Variants in BBS1 observed in about 807,000 individuals in gnomAD.
BBS1 encodes Bardet-Biedl syndrome 1.
A neutral mutation model predicts 73.9 loss-of-function variants in BBS1; 60 were observed. That is an observed-to-expected ratio of 0.81 (90% CI 0.66 to 1.01). BBS1 has a LOEUF of 1.01. Ranked by LOEUF, BBS1 falls within the 50% of genes least tolerant of loss-of-function variation. The probability of loss-of-function intolerance (pLI) is 0.00; values close to 1 mark genes in which losing one functional copy is unlikely to be tolerated. For missense variants in BBS1, 718 were observed against 770.3 expected, an observed-to-expected ratio of 0.93 and a Z score of 0.80; for synonymous variants, 283 against 317.4, an observed-to-expected ratio of 0.89 and a Z score of 1.15.
chr11:66,516,894 C>T (rs956494367), intron 7 of BBS1, among the ~76,000 whole-genome samples: 1 of 152,022 alleles, frequency 6.6e-6, no homozygotes, highest in African/African-American at 2.4e-5. Flanking sequence ...ACAATGAGCA[C>T]CTTTATCTAA....
intron 11 of BBS1, among the ~76,000 whole-genome samples, chr11:66,525,217 C>G (rs569328001): frequency 6.9e-6 from 1 of 145,884 alleles, no homozygotes; most frequent in African/African-American, 2.6e-5. Flanking sequence ...AAAAAAAAGC[C>G]GGGTGTGATG....
chr11:66,528,879 A>G (rs1031703647), intron 13 of BBS1, among the ~76,000 whole-genome samples: 5 of 151,074 alleles, frequency 3.3e-5, no homozygotes, highest in Non-Finnish European at 7.4e-5. Flanking sequence ...GAGGCAGGAG[A>G]ATCGATTGAA....
At chr11:66,531,610 A>G in intron 15 of BBS1, 46 bp from the exon 16 acceptor site, 4 of 1,613,226 alleles carry the variant, frequency 2.5e-6, no homozygotes, top group African/African-American at 1.3e-5. Flanking sequence ...TATGCCAAAC[A>G]CTGGCACGAG....
At chr11:66,529,502 A>G in intron 13 of BBS1, 1 of 725,948 alleles carries the variant, frequency 1.4e-6, no homozygotes, top group Non-Finnish European at 2.5e-6. Context: ...GGGGAAGAAG[A>G]TGGAGGATGA....
chr11:66,514,155 C>G (rs1239861708), intron 3 of BBS1, among the ~76,000 whole-genome samples: 1 of 152,210 alleles, frequency 6.6e-6, no homozygotes, highest in Non-Finnish European at 1.5e-5. Flanking sequence ...GTAGCACTTA[C>G]CAGGTTCTGT....
rs1565281524 is a variant in BBS1, at chr11:66,514,547, A to G, written c.301A>G (p.Thr101Ala). Reference protein sequence around the residue: ...TFLMEQHEPRTPALALASGPC... With the variant: ...TFLMEQHEPRAPALALASGPC... The stretch of plus-strand genomic sequence containing the variant: ...CCTCATGGAGCAACATGAGCCCCGG[A>G]CCCCAGCTCTGGCACTTGCTTCAGG... The change falls in exon 4 of 17, where the codon ACC becomes GCC. Residue 101 changes from threonine to alanine, a missense_variant. Thr to Ala is a moderately conservative substitution (Grantham distance 58). Transcript: ENST00000318312. The G allele has an allele frequency of 1.2e-6, 2 of 1,614,084 alleles. No homozygotes were observed. Among genetic ancestry groups the G allele is most frequent in the Non-Finnish European group, 1.7e-6 (2 of 1,180,022 alleles).
chr11:66,517,882 G>A (rs578120422), intron 7 of BBS1, among the ~76,000 whole-genome samples: 1 of 151,966 alleles, frequency 6.6e-6, no homozygotes, highest in African/African-American at 2.4e-5. Context: ...TGGGATTACA[G>A]GCATGAGCCA....
chr11:66,532,427 G>A lies in BBS1; in HGVS notation c.*390G>A, dbSNP rs1003786767. 4.8e-6 allele frequency: 1 copy of A among 208,956 alleles called. No homozygotes were observed. Among genetic ancestry groups the A allele is most frequent in the African/African-American group, 2.3e-5 (1 of 43,860 alleles). The allele number at this position is 208,956 out of a possible 1,614,324, so 12.9% of individuals were successfully genotyped here. A position where few individuals can be genotyped will look rare whatever the true frequency, so the allele number is the denominator to read the frequency against. The stretch of plus-strand genomic sequence containing the variant: ...TCACTCATCTCCTGCTGCAGGCCAA[G>A]GCCAAAATTGGGCTAGTCCTGGCCA... On this transcript the variant is annotated 3_prime_UTR_variant, in exon 17 of 17. Transcript: ENST00000318312.
At chr11:66,529,797 C>T in intron 13 of BBS1, 22 bp from the exon 14 acceptor site, 1 of 1,609,772 alleles carries the variant, frequency 6.2e-7, no homozygotes, top group Non-Finnish European at 8.5e-7. Flanking sequence ...CCACCGTCAG[C>T]CTCTGGGACC....
intron 8 of BBS1, 180 bp downstream of exon 8, chr11:66,519,928 G>T: frequency 3.1e-6 from 2 of 654,804 alleles, no homozygotes; most frequent in Non-Finnish European, 5.1e-6. Context: ...TGTTAAAGTT[G>T]AGGCATAGGT....
chr11:66,531,957 G>A lies in BBS1; in HGVS notation c.1702G>A (p.Val568Met), dbSNP rs754300140. The A allele has an allele frequency of 6.3e-7, 1 of 1,593,992 alleles. No individual in the cohort carries two copies. The highest frequency in any genetic ancestry group is 8.5e-7 in the Non-Finnish European group (1 of 1,170,836). Residue 568 changes from valine to methionine, a missense_variant, in exon 17 of 17, where the codon GTG becomes ATG. Transcript: ENST00000318312. Reference sequence around the variant, plus strand: ...CATGGCCACTCCTCCATAGGTGCTGGTGCTTCGAGAAGGCCAAAGTGCACC... The same window carrying A: ...CATGGCCACTCCTCCATAGGTGCTGATGCTTCGAGAAGGCCAAAGTGCACC... ...KGISDIIKVL[V>M]LREGQSAPLL...
Position 66,531,891 on chromosome 11 carries a change from G to A in BBS1, c.1696-60G>A, listed in dbSNP as rs1464169496. 1.3e-5 allele frequency: 21 copies of A among 1,574,782 alleles called. No individual in the cohort carries two copies. The East Asian group carries it at 2.4e-4, about 18-fold the overall frequency. ...CCTGTGGCCTGTCATTAGGGCCAGC[G>A]CAGACCAGGCAAGGGGTCAGGGGTG... On this transcript the variant is annotated intron_variant, in intron 16 of 16. Transcript: ENST00000318312.
chr11:66,525,815 G>A (rs1176235476), intron 11 of BBS1, among the ~76,000 whole-genome samples: 1 of 152,158 alleles, frequency 6.6e-6, no homozygotes, highest in Non-Finnish European at 1.5e-5. Flanking sequence ...AGACATATTT[G>A]TGTTTTTGAA....
At position 66,532,237 on chromosome 11, in the gene BBS1, C is replaced by T. The variant is rs1856817638; in HGVS notation, c.*200C>T. 1.7e-6 allele frequency: 1 copy of T among 603,782 alleles called. No homozygotes were observed. Among genetic ancestry groups the T allele is most frequent in the Non-Finnish European group, 2.9e-6 (1 of 341,664 alleles). 37.4% of individuals were successfully genotyped at this position (603,782 alleles called of 1,614,324 possible). On this transcript the variant is annotated 3_prime_UTR_variant, in exon 17 of 17. Coordinates refer to ENST00000318312, the MANE Select transcript of BBS1 (RefSeq NM_024649.5). The stretch of plus-strand genomic sequence containing the variant: ...GAGTACCTAGGGCGGCTCAACTCCT[C>T]CCACAGCACCAACCCAGCATGGTCC...
chr11:66,520,399 C>T (rs1856168378), intron 8 of BBS1: 1 of 153,756 alleles, frequency 6.5e-6, no homozygotes. Context: ...GTTCTCATGC[C>T]TCAGCCACCT....
chr11:66,524,727 C>G (rs1331880273), intron 11 of BBS1, among the ~76,000 whole-genome samples: 1 of 152,168 alleles, frequency 6.6e-6, no homozygotes, highest in African/African-American at 2.4e-5. Context: ...TTTAGTAGAT[C>G]ACAACCAGCA....
chr11:66,530,016 C>T, intron 14 of BBS1, 64 bp downstream of exon 14: 2 of 1,549,466 alleles, frequency 1.3e-6, no homozygotes, highest in South Asian at 2.3e-5. Context: ...CGCAGGAACC[C>T]CTCTGCCACA....
chr11:66,514,630 A>G lies in BBS1; in HGVS notation c.384A>G (p.Gln128=), dbSNP rs149442804. The change falls in exon 4 of 17, where the codon CAA becomes CAG. Residue 128 remains glutamine, a synonymous_variant. Coordinates refer to ENST00000318312, the MANE Select transcript of BBS1 (RefSeq NM_024649.5). ...CCTACTTCAAGTTCAGCCTGCCCCA[A>G]TTGCCTCCAAATCCTCTGGAACAAG... ...LRPYFKFSLP[Q]LPPNPLEQDL... 9.3e-6 allele frequency: 15 copies of G among 1,613,378 alleles called. No homozygotes were observed. The highest frequency in any genetic ancestry group is 3.3e-5 in the South Asian group (3 of 91,088).
At chr11:66,511,471 GAC>G (rs2134766321) in intron 3 of BBS1, among the ~76,000 whole-genome samples, 1 of 152,284 alleles carries the variant, frequency 6.6e-6, no homozygotes, top group African/African-American at 2.4e-5. Context: ...ATTCTACTAA[GAC>G]AAAGCCTCTT....
Sources: gnomAD v4.1 joint callset for allele counts (sites outside exome capture counted in the v4.1 genomes callset) on GRCh38, gnomAD v4.1.1 for gene constraint, MANE v1.5 for transcripts, NCBI Gene and HGNC (gene_info 2026-07-23, HGNC 2026-07-21) for gene names.